CTNNBL1: variants seen among roughly 807,000 people sequenced by gnomAD.
CTNNBL1 encodes catenin beta like 1.
A neutral mutation model predicts 72.7 loss-of-function variants in CTNNBL1; 31 were observed. That is an observed-to-expected ratio of 0.43 (90% CI 0.32 to 0.58). CTNNBL1 has a LOEUF of 0.58. Ranked by LOEUF, CTNNBL1 falls within the 20% of genes least tolerant of loss-of-function variation. CTNNBL1 has a pLI of 0.08. For missense variants in CTNNBL1, 534 were observed against 725.1 expected (o/e 0.74, Z 3.03); for synonymous variants, 240 against 267.3 (o/e 0.90, Z 1.00).
At chr20:37,785,637 G>A (rs1466625536) in intron 10 of CTNNBL1, among the ~76,000 whole-genome samples, 2 of 151,964 alleles carry the variant, frequency 1.3e-5, no homozygotes, top group East Asian at 1.9e-4. Context: ...AGGATTTTGC[G>A]TTCCTTCTGT....
chr20:37,751,675 A>G (rs1416337149), intron 4 of CTNNBL1: 1 of 152,226 alleles, frequency 6.6e-6, no homozygotes, highest in African/African-American at 2.4e-5. Context: ...AGGTGCGTAC[A>G]GTAGTCAAGG....
At position 37,826,586 on chromosome 20, in the gene CTNNBL1, C is replaced by A. The variant is rs145957962; in HGVS notation, c.1214-13516C>A. 1.2e-3 allele frequency among the ~76,000 whole-genome samples: 177 copies of A among 152,312 alleles called. 1 individual carries two copies. The highest frequency in any genetic ancestry group is 2.1e-3 in the Non-Finnish European group (145 of 68,008). ...TTTGGGTATCTCATCATTCATATTCCAAGTGCACACTTTTTCTTGCCTCCT... is the reference window on the plus strand; with the variant it reads ...TTTGGGTATCTCATCATTCATATTCAAAGTGCACACTTTTTCTTGCCTCCT... On this transcript the variant is annotated intron_variant, in intron 11 of 15. Coordinates refer to ENST00000361383, the MANE Select transcript of CTNNBL1 (RefSeq NM_030877.5).
chr20:37,742,889 C>T (rs546903084), intron 3 of CTNNBL1, among the ~76,000 whole-genome samples: 19 of 152,222 alleles, frequency 1.2e-4, no homozygotes, highest in Middle Eastern at 3.4e-3. Flanking sequence ...CTGCAACCTC[C>T]ACCTCCCAGG....
chr20:37,812,714 C>T (rs1444241499), intron 11 of CTNNBL1, among the ~76,000 whole-genome samples: 1 of 152,184 alleles, frequency 6.6e-6, no homozygotes, highest in Non-Finnish European at 1.5e-5. Flanking sequence ...TGAACAGGTT[C>T]ACACAGCCCA....
In CTNNBL1 at chr20:37,777,669, T is replaced by A; in HGVS notation, c.839T>A (p.Leu280His). Reference sequence around the variant, plus strand: ...TCCCCTTTAGAAAACAGGGAATTGCTTGGGGAGCTGGATGGAATCGATGTG... The same window carrying A: ...TCCCCTTTAGAAAACAGGGAATTGCATGGGGAGCTGGATGGAATCGATGTG... ...LQDNDENREL[L>H]GELDGIDVLL... The change falls in exon 9 of 16, where the codon CTT (leucine) becomes CAT (histidine). Residue 280 changes from leucine (L) to histidine (H), a missense_variant. Physicochemically the swap from Leu to His is moderately conservative, Grantham distance 99. Transcript: ENST00000361383. 1 of 1,613,858 alleles carries A rather than the reference T, an allele frequency of 6.2e-7. No homozygotes were observed. The highest frequency in any genetic ancestry group is 1.1e-5 in the South Asian group (1 of 91,062).
intron 11 of CTNNBL1, among the ~76,000 whole-genome samples, chr20:37,807,407 A>T (rs2071969247): frequency 6.6e-6 from 1 of 152,168 alleles, no homozygotes; most frequent in Non-Finnish European, 1.5e-5. Context: ...TGGGAGGGCC[A>T]GGAGAGGGTA....
At chr20:37,837,880 G>A (rs1380333306) in intron 11 of CTNNBL1, among the ~76,000 whole-genome samples, 2 of 152,104 alleles carry the variant, frequency 1.3e-5, no homozygotes, top group African/African-American at 2.4e-5. Flanking sequence ...TCTGCCTTCA[G>A]GGAATTTGTA....
rs1198687970 is a variant in CTNNBL1, at chr20:37,860,026, A to AT, written c.1521dup (p.Val508CysfsTer?). On this transcript the variant is annotated frameshift_variant, in exon 14 of 16. Transcript: ENST00000361383. LOFTEE classifies it high-confidence loss of function. ...ATCATGGCCGAGATCTGCAATGCCA[A>AT]TGTCCCCCAGGTAGGAGGGTCTTCC... The AT allele has an allele frequency of 1.4e-5, 23 of 1,614,066 alleles. No homozygotes were observed. The highest frequency in any genetic ancestry group is 1.9e-5 in the Non-Finnish European group (23 of 1,180,044).
intron 1 of CTNNBL1, among the ~76,000 whole-genome samples, chr20:37,728,457 G>T (rs2073103615): frequency 6.6e-6 from 1 of 152,182 alleles, no homozygotes; most frequent in African/African-American, 2.4e-5. Flanking sequence ...ACAAGGCAGT[G>T]TTTGTCTTGT....
At chr20:37,831,768 A>G (rs2072212125) in intron 11 of CTNNBL1, among the ~76,000 whole-genome samples, 1 of 152,188 alleles carries the variant, frequency 6.6e-6, no homozygotes, top group African/African-American at 2.4e-5. Context: ...TGCCTGGCAC[A>G]TAGTTGGTAC....
chr20:37,786,049 TC>T (rs1421176274), intron 10 of CTNNBL1, among the ~76,000 whole-genome samples: 1 of 152,202 alleles, frequency 6.6e-6, no homozygotes, highest in East Asian at 1.9e-4. Flanking sequence ...CGAAGAGAAT[TC>T]CCTGGATTAC....
chr20:37,812,331 A>C (rs1312933350), intron 11 of CTNNBL1, among the ~76,000 whole-genome samples: 4 of 152,220 alleles, frequency 2.6e-5, no homozygotes, highest in Admixed American at 2.6e-4. Context: ...ATGTTTACAT[A>C]TAGGATATAA....
At chr20:37,754,399 G>A (rs1320868048) in intron 4 of CTNNBL1, among the ~76,000 whole-genome samples, 1 of 151,470 alleles carries the variant, frequency 6.6e-6, no homozygotes, top group Non-Finnish European at 1.5e-5. Context: ...GGGATTATAG[G>A]TGTAAGCCAC....
intron 3 of CTNNBL1, among the ~76,000 whole-genome samples, chr20:37,740,633 T>C (rs1360723427): frequency 6.6e-6 from 1 of 152,214 alleles, no homozygotes; most frequent in African/African-American, 2.4e-5. Flanking sequence ...CAGGATCTCC[T>C]TGTACTCTTA....
At chr20:37,796,806 C>CA (rs1413817023) in intron 10 of CTNNBL1, among the ~76,000 whole-genome samples, 1 of 152,196 alleles carries the variant, frequency 6.6e-6, no homozygotes, top group African/African-American at 2.4e-5. Context: ...GCTGAAGGAG[C>CA]AGTGCTTCAT....
intron 10 of CTNNBL1, among the ~76,000 whole-genome samples, chr20:37,800,241 T>A (rs1449083246): frequency 6.6e-6 from 1 of 152,220 alleles, no homozygotes; most frequent in Non-Finnish European, 1.5e-5. Flanking sequence ...CAGCTGTTTA[T>A]TTCTCCCTTG....
chr20:37,715,567 T>A (rs572831103), intron 1 of CTNNBL1, among the ~76,000 whole-genome samples: 6 of 152,344 alleles, frequency 3.9e-5, no homozygotes, highest in Admixed American at 2.6e-4. Context: ...CTTTGCCTTT[T>A]GAGGCCCATT....
chr20:37,814,643 AC>A lies in CTNNBL1; in HGVS notation c.1213+11596del, dbSNP rs1467449181. Reference sequence around the variant, plus strand: ...ATCAGCTAAACAGCTTTGACAAAATACATGTCCCTCCTCCAGCAATTCTGAG... The same window carrying A: ...ATCAGCTAAACAGCTTTGACAAAATAATGTCCCTCCTCCAGCAATTCTGAG... On this transcript the variant is annotated intron_variant, in intron 11 of 15. Transcript: ENST00000361383. Among the ~76,000 whole-genome samples, 12 of 152,338 alleles carry A rather than the reference AC, an allele frequency of 7.9e-5. No homozygotes were observed. The East Asian group carries it at 2.1e-3, about 27-fold the overall frequency.
At chr20:37,748,410 G>C (rs139502620) in intron 4 of CTNNBL1, among the ~76,000 whole-genome samples, 67 of 152,280 alleles carry the variant, frequency 4.4e-4, no homozygotes, top group Non-Finnish European at 8.7e-4. Context: ...AAGAACCCTA[G>C]TTAGCTTGCT....
Sources: allele counts gnomAD v4.1 joint callset (sites outside exome capture counted in the v4.1 genomes callset), GRCh38; gene constraint gnomAD v4.1.1; transcripts MANE v1.5; gene names NCBI Gene and HGNC (gene_info 2026-07-23, HGNC 2026-07-21).